Variants in RAB11B observed in about 807,000 individuals in gnomAD.
RAB11B encodes the protein RAB11B, member RAS oncogene family.
In RAB11B, 7 loss-of-function variants were observed where a neutral mutation model predicts 23.7. The ratio of observed to expected loss-of-function variants is 0.29; its 90% CI spans 0.17 to 0.55. The LOEUF (loss-of-function observed/expected upper bound fraction) is 0.55, where lower values mean the gene tolerates loss of function less well. RAB11B is among the 20% of genes least tolerant of loss of function. RAB11B has a pLI of 0.93. For synonymous variants in RAB11B, 138 were observed against 132.0 expected (o/e 1.05, Z -0.31); for missense variants, 189 against 320.0 (o/e 0.59, Z 3.12).
intron 1 of RAB11B, among the ~76,000 whole-genome samples, chr19:8,391,952 G>A (rs539191341): frequency 1.3e-5 from 2 of 152,154 alleles, no homozygotes; most frequent in Non-Finnish European, 2.9e-5. Context: ...GTCACTGGTG[G>A]GTGAGGCTCT....
At position 8,403,445 on chromosome 19, in the gene RAB11B, G is replaced by T; in HGVS notation, c.544G>T (p.Ala182Ser). The stretch of plus-strand genomic sequence containing the variant: ...CCGCATCGTGTCACAGAAACAGATC[G>T]CAGACCGCGCTGCCCACGACGAGTC... ...IYRIVSQKQI[A>S]DRAAHDESPG... The change falls in exon 5 of 5, where the codon GCA becomes TCA. Residue 182 changes from alanine to serine, a missense_variant. Physicochemically the swap from Ala to Ser is moderately conservative, Grantham distance 99. Coordinates refer to ENST00000328024, the MANE Select transcript of RAB11B (RefSeq NM_004218.4). 6.2e-7 allele frequency: 1 copy of T among 1,613,900 alleles called. No individual in the cohort carries two copies. Among genetic ancestry groups the T allele is most frequent in the Non-Finnish European group, 8.5e-7 (1 of 1,179,892 alleles).
At chr19:8,403,353 C>T in intron 4 of RAB11B, 60 bp from the exon 5 acceptor site, 1 of 1,567,190 alleles carries the variant, frequency 6.4e-7, no homozygotes, top group East Asian at 2.3e-5. Flanking sequence ...GGGAGGGGTT[C>T]CCCTCGGCAG....
In RAB11B at chr19:8,392,735, G is replaced by C. The variant is rs1199061084; in HGVS notation, c.40+2279G>C. ...GACAGAATTTTACTCTAGTCACCCA[G>C]CCTGGAGTGCAGTGGCGCAATCTCG... On this transcript the variant is annotated intron_variant, in intron 1 of 4. Transcript: ENST00000328024. Among the ~76,000 whole-genome samples, 11 of 110,576 alleles carry C rather than the reference G, an allele frequency of 9.9e-5. No individual in the cohort carries two copies. In the Admixed American group the frequency reaches 1.2e-3, roughly 12 times the overall value. The allele number at this position is 110,576 out of a possible 152,430, so 72.5% of individuals were successfully genotyped here.
intron 1 of RAB11B, among the ~76,000 whole-genome samples, chr19:8,397,979 G>A (rs1229913888): frequency 1.3e-5 from 2 of 152,138 alleles, no homozygotes; most frequent in Non-Finnish European, 2.9e-5. Flanking sequence ...GGGGGTCCAC[G>A]GGGCTTCTGG....
intron 1 of RAB11B, among the ~76,000 whole-genome samples, chr19:8,397,669 G>C (rs561391095): frequency 6.6e-6 from 1 of 152,194 alleles, no homozygotes; most frequent in African/African-American, 2.4e-5. Context: ...AATTCCAAAC[G>C]TGTAGGTACA....
chr19:8,394,741 C>G (rs1000553048), intron 1 of RAB11B, among the ~76,000 whole-genome samples: 4 of 152,090 alleles, frequency 2.6e-5, no homozygotes, highest in African/African-American at 7.2e-5. Context: ...GACAGCCTGG[C>G]CAACATGGCA....
At chr19:8,394,797 G>A (rs755910771) in intron 1 of RAB11B, among the ~76,000 whole-genome samples, 1 of 152,198 alleles carries the variant, frequency 6.6e-6, no homozygotes, top group Non-Finnish European at 1.5e-5. Flanking sequence ...GGGCGTCGTG[G>A]TGCACGCCTA....
intron 1 of RAB11B, among the ~76,000 whole-genome samples, chr19:8,399,248 C>T (rs568607097): frequency 8.7e-4 from 133 of 152,162 alleles, no homozygotes; most frequent in African/African-American, 2.9e-3. Context: ...CCACCGCGCC[C>T]GGGTACTTTT....
chr19:8,391,179 C>T (rs1007385597), intron 1 of RAB11B, among the ~76,000 whole-genome samples: 2 of 152,194 alleles, frequency 1.3e-5, no homozygotes, highest in African/African-American at 4.8e-5. Flanking sequence ...TCACTGCAGC[C>T]CTTTGAGGTT....
chr19:8,401,923 G>A (rs749321653), intron 2 of RAB11B, among the ~76,000 whole-genome samples, 163 bp from the exon 3 acceptor site: 9 of 152,188 alleles, frequency 5.9e-5, no homozygotes, highest in African/African-American at 1.2e-4. Context: ...AGGGAGCAGC[G>A]CTGGGGCCTC....
At chr19:8,397,076 G>A (rs1971403150) in intron 1 of RAB11B, among the ~76,000 whole-genome samples, 2 of 152,204 alleles carry the variant, frequency 1.3e-5, no homozygotes, top group South Asian at 4.1e-4. Context: ...ATGACTCCAG[G>A]TTTCTGGCAT....
intron 1 of RAB11B, among the ~76,000 whole-genome samples, chr19:8,395,267 CTTTCT>C (rs1180518456): frequency 7.7e-6 from 1 of 130,156 alleles, no homozygotes; most frequent in Admixed American, 8.6e-5. Flanking sequence ...CTCTTTCCAT[CTTTCT>C]TTTTTTTTTT....
Position 8,402,415 on chromosome 19 carries a change from G to A in RAB11B, c.431-70G>A, listed in dbSNP as rs537592330. The stretch of plus-strand genomic sequence containing the variant: ...TGGGATGGGCCAGGTGGGTGGGCGG[G>A]GTCCCTGAGAGCATGTGGGAGCCTG... On this transcript the variant is annotated intron_variant, in intron 3 of 4. Coordinates refer to ENST00000328024, the MANE Select transcript of RAB11B (RefSeq NM_004218.4). The A allele has an allele frequency of 6.4e-6, 10 of 1,569,892 alleles. No individual in the cohort carries two copies. The East Asian group carries it at 1.3e-4, about 21-fold the overall frequency.
At chr19:8,398,985 C>T (rs1971417392) in intron 1 of RAB11B, among the ~76,000 whole-genome samples, 1 of 151,216 alleles carries the variant, frequency 6.6e-6, no homozygotes, top group South Asian at 2.1e-4. Flanking sequence ...TGGAGTCTCG[C>T]TCTGTCACCC....
intron 1 of RAB11B, among the ~76,000 whole-genome samples, chr19:8,398,386 C>A (rs552415971): frequency 2.6e-5 from 4 of 152,324 alleles, no homozygotes; most frequent in Admixed American, 2.0e-4. Context: ...CTGCTGTGCA[C>A]CCCCCTCCTG....
intron 2 of RAB11B, among the ~76,000 whole-genome samples, chr19:8,401,298 T>C (rs1269007420): frequency 6.6e-6 from 1 of 150,958 alleles, no homozygotes; most frequent in Non-Finnish European, 1.5e-5. Flanking sequence ...GCCAGGATGG[T>C]CTCGATCTCC....
rs915848643 is a variant in RAB11B at position 8,396,337 on chromosome 19, A to G, written c.41-3526A>G. ...TTTTGGCATTTTGTTTGTTCACTTG[A>G]CAGACATTTTCTTGGGTGTTTATTG... On this transcript the variant is annotated intron_variant, in intron 1 of 4. Transcript: ENST00000328024. This position sits in a 1 kb window ranked among gnomAD's most constrained non-coding sequence, Gnocchi z 5.0. Among the ~76,000 whole-genome samples the G allele has an allele frequency of 6.6e-6, 1 of 152,134 alleles. No homozygotes were observed. Among genetic ancestry groups the G allele is most frequent in the Non-Finnish European group, 1.5e-5 (1 of 68,024 alleles).
chr19:8,399,922 A>G lies in RAB11B; in HGVS notation c.100A>G (p.Asn34Asp). ...KSNLLSRFTRNEFNLESKSTI... is the reference protein window; with the variant it reads ...KSNLLSRFTRDEFNLESKSTI... ...CAACCTGCTGTCGCGCTTCACCCGC[A>G]ACGAGTTCAACCTGGAGAGCAAGAG... The change falls in exon 2 of 5, where the codon AAC becomes GAC. Residue 34 changes from asparagine to aspartate, a missense_variant. Asn to Asp is a conservative substitution (Grantham distance 23). Around this residue, in one of 5 missense-constraint regions of RAB11B, gnomAD observed 28 missense variants for 43.1 expected, o/e 0.65. Transcript: ENST00000328024. 6.2e-7 allele frequency: 1 copy of G among 1,614,198 alleles called. No individual in the cohort carries two copies. The highest frequency in any genetic ancestry group is 8.5e-7 in the Non-Finnish European group (1 of 1,180,018).
intron 1 of RAB11B, among the ~76,000 whole-genome samples, chr19:8,395,006 T>C (rs1971385631): frequency 6.6e-6 from 1 of 152,062 alleles, no homozygotes; most frequent in East Asian, 1.9e-4. Context: ...GCTGGAATGG[T>C]GTGAAGGTGT....
Sources: gnomAD v4.1 joint callset for allele counts (sites outside exome capture counted in the v4.1 genomes callset) on GRCh38, gnomAD v4.1.1 for gene constraint, gnomAD v4.1.1 regional missense constraint, Gnocchi (gnomAD v3.1) non-coding constraint, MANE v1.5 for transcripts, NCBI Gene and HGNC (gene_info 2026-07-23, HGNC 2026-07-21) for gene names.